CLEC5A: variants seen among roughly 807,000 people sequenced by gnomAD.
The protein encoded by CLEC5A is C-type lectin domain containing 5A.
In CLEC5A, 15 loss-of-function variants were observed where a neutral mutation model predicts 24.4. The observed-to-expected ratio is 0.62, with a 90% CI of 0.41 to 0.95. CLEC5A has a LOEUF of 0.95. Among genes scored for constraint, CLEC5A ranks in the 40% least tolerant of loss-of-function variants. CLEC5A has a pLI of 0.00. For synonymous variants in CLEC5A, 71 were observed against 72.6 expected (o/e 0.98, Z 0.11); for missense variants, 211 against 224.0 (o/e 0.94, Z 0.37).
Position 141,931,831 on chromosome 7 carries a change from A to C in CLEC5A, c.346-5T>G. ...AGTTATGTCCTGAAGAAACTTCTGGAAATAAAAAAAAAATTTTACCAGTGA... is the reference window on the plus strand; with the variant it reads ...AGTTATGTCCTGAAGAAACTTCTGGCAATAAAAAAAAAATTTTACCAGTGA... On this transcript the variant is annotated splice_polypyrimidine_tract_variant and splice_region_variant and intron_variant, in intron 5 of 6. Coordinates refer to ENST00000546910, the MANE Select transcript of CLEC5A (RefSeq NM_013252.3). 6.9e-7 allele frequency: 1 copy of C among 1,444,580 alleles called. No homozygotes were observed. Among genetic ancestry groups the C allele is most frequent in the Non-Finnish European group, 9.6e-7 (1 of 1,043,346 alleles). 89.5% of individuals were successfully genotyped at this position (1,444,580 alleles called of 1,614,324 possible).
Position 141,946,223 on chromosome 7 carries a change from G to A in CLEC5A, c.70C>T (p.Leu24=), listed in dbSNP as rs1554442125. ...VLKVVGMTLF[L]LYFPQIFNKS... is the part of the protein sequence containing the mutation. ...TTGCTCAAATACTCACAATAAAGTA[G>A]AAATAAGGTCATTCCAACAACTTTA... The change falls in exon 2 of 7, where the codon CTA becomes TTA. Residue 24 remains leucine (L), a synonymous_variant. Transcript: ENST00000546910. 1 of 1,564,566 alleles carries A rather than the reference G, an allele frequency of 6.4e-7. No homozygotes were observed. Among genetic ancestry groups the A allele is most frequent in the Non-Finnish European group, 8.7e-7 (1 of 1,153,064 alleles).
Position 141,935,798 on chromosome 7 carries a change from A to G in CLEC5A, c.345+16T>C. ...GTGGAGTGTGTGGCTTTACTGTACC[A>G]TTCCAGTGTTCTCACCAGTTTCTCT... On this transcript the variant is annotated intron_variant, in intron 5 of 6. Transcript: ENST00000546910. 4 of 1,613,512 alleles carry G rather than the reference A, an allele frequency of 2.5e-6. No homozygotes were observed. The highest frequency in any genetic ancestry group is 3.4e-6 in the Non-Finnish European group (4 of 1,179,496).
intron 6 of CLEC5A, chr7:141,931,422 A>G (rs1563073028): frequency 2.2e-6 from 1 of 448,700 alleles, no homozygotes; most frequent in African/African-American, 2.0e-5. Context: ...TAGCATCTAT[A>G]GAGAGCTACA....
At chr7:141,931,603 G>A in intron 6 of CLEC5A, 117 bp downstream of exon 6, 1 of 676,532 alleles carries the variant, frequency 1.5e-6, no homozygotes. Context: ...GAAAGGAGAA[G>A]AGCAGAACAG....
chr7:141,930,474 G>C (rs561178466), intron 6 of CLEC5A, among the ~76,000 whole-genome samples: 1 of 152,308 alleles, frequency 6.6e-6, no homozygotes, highest in South Asian at 2.1e-4. Context: ...TCCTGTGAGC[G>C]TGTATGGATT....
At position 141,943,069 on chromosome 7, in the gene CLEC5A, T is replaced by C. The variant is rs112197542; in HGVS notation, c.208+827A>G. Among the ~76,000 whole-genome samples, 660 of 152,242 alleles carry C rather than the reference T, an allele frequency of 4.3e-3. 5 individuals carry two copies. Among genetic ancestry groups the C allele is most frequent in the African/African-American group, 0.015 (634 of 41,550 alleles). On this transcript the variant is annotated intron_variant, in intron 4 of 6. Coordinates refer to ENST00000546910, the MANE Select transcript of CLEC5A (RefSeq NM_013252.3). ...ACCACATGGCCCAGCAATTACACTCTTAAGTATAGGCCCAAAAGAAAGGAA... is the reference window on the plus strand; with the variant it reads ...ACCACATGGCCCAGCAATTACACTCCTAAGTATAGGCCCAAAAGAAAGGAA...
intron 4 of CLEC5A, among the ~76,000 whole-genome samples, chr7:141,936,805 T>TGAGGA (rs1584847939): frequency 6.6e-6 from 1 of 151,832 alleles, no homozygotes; most frequent in Non-Finnish European, 1.5e-5. Flanking sequence ...TCTTTCTGCT[T>TGAGGA]GAGGAGAGGA....
At position 141,930,203 on chromosome 7, in the gene CLEC5A, A is replaced by G; in HGVS notation, c.468T>C (p.Asn156=). 1.2e-6 allele frequency: 2 copies of G among 1,613,534 alleles called. No individual in the cohort carries two copies. Among genetic ancestry groups the G allele is most frequent in the Non-Finnish European group, 1.7e-6 (2 of 1,179,546 alleles). Residue 156 remains asparagine, a synonymous_variant, in exon 7 of 7, where the codon AAT becomes AAC. Coordinates refer to ENST00000546910, the MANE Select transcript of CLEC5A (RefSeq NM_013252.3). ...SVFNGNVTNQ[N]QNFNCATIGL... ...CAATGGTCGCACAGTTGAAATTCTG[A>G]TTCTGATTGGTAACACTAAATGAGA...
rs374427602 is a variant in CLEC5A at position 141,931,886 on chromosome 7, T to C, written c.346-60A>G. 5.5e-4 allele frequency: 416 copies of C among 750,618 alleles called. 7 individuals carry two copies. In the South Asian group the frequency reaches 6.7e-3, roughly 12 times the overall value. The allele number at this position is 750,618 out of a possible 1,614,324, so 46.5% of individuals were successfully genotyped here. A position where few individuals can be genotyped will look rare whatever the true frequency, so the allele number is the denominator to read the frequency against. On this transcript the variant is annotated intron_variant, in intron 5 of 6. Coordinates refer to ENST00000546910, the MANE Select transcript of CLEC5A (RefSeq NM_013252.3). ...TTTAATGATGCCTCTCTTGAGCCAA[T>C]GTGCCCATGATTATATCTGATCCTG...
chr7:141,928,287 T>C lies in CLEC5A; in HGVS notation c.*1817A>G, dbSNP rs1802357018. 6.6e-6 allele frequency: 1 copy of C among 152,648 alleles called. No homozygotes were observed. Among genetic ancestry groups the C allele is most frequent in the Admixed American group, 6.5e-5 (1 of 15,280 alleles). 9.5% of individuals were successfully genotyped at this position (152,648 alleles called of 1,614,324 possible). ...TGTCTACTAAAGAAATCACTAGATGTCTACATTTCCTGATCTTAAAAGTTT... is the reference window on the plus strand; with the variant it reads ...TGTCTACTAAAGAAATCACTAGATGCCTACATTTCCTGATCTTAAAAGTTT... On this transcript the variant is annotated 3_prime_UTR_variant, in exon 7 of 7. Coordinates refer to ENST00000546910, the MANE Select transcript of CLEC5A (RefSeq NM_013252.3).
At chr7:141,937,486 C>T (rs113756695) in intron 4 of CLEC5A, among the ~76,000 whole-genome samples, 1 of 152,120 alleles carries the variant, frequency 6.6e-6, no homozygotes, top group Non-Finnish European at 1.5e-5. Context: ...TCTCATGAAT[C>T]GAGTTTCAGC....
rs782416708 is a variant in CLEC5A at position 141,943,919 on chromosome 7, A to G, written c.185T>C (p.Ile62Thr). 8.1e-6 allele frequency: 13 copies of G among 1,611,438 alleles called. No individual in the cohort carries two copies. The East Asian group carries it at 2.9e-4, about 36-fold the overall frequency. The change falls in exon 4 of 7, where the codon ATT becomes ACT. Residue 62 changes from isoleucine to threonine, a missense_variant. By Grantham distance (89) the Ile-to-Thr change is moderately conservative. Transcript: ENST00000546910. ...ACCTGTTCCATAGCTCCTTGTGGTA[A>G]TGAAGCCGTTGGGACTTGGGGAACT... ...GSSSPSPNGF[I>T]TTRSYGTVCP...
intron 2 of CLEC5A, chr7:141,945,718 T>A (rs1554442076): frequency 1.2e-5 from 5 of 403,134 alleles, no homozygotes; most frequent in Non-Finnish European, 2.3e-5. Flanking sequence ...CTAGAGAAGA[T>A]TCTAGTTTCT....
chr7:141,936,505 T>G (rs554296521), intron 4 of CLEC5A, among the ~76,000 whole-genome samples: 1 of 152,278 alleles, frequency 6.6e-6, no homozygotes, highest in African/African-American at 2.4e-5. Flanking sequence ...AGGAAGCATT[T>G]AGATGAGCGC....
Position 141,930,058 on chromosome 7 carries a change from A to G in CLEC5A, c.*46T>C, listed in dbSNP as rs782382003. On this transcript the variant is annotated 3_prime_UTR_variant, in exon 7 of 7. Coordinates refer to ENST00000546910, the MANE Select transcript of CLEC5A (RefSeq NM_013252.3). ...ATCATTGGCCAGACGACCTGTATGG[A>G]TTCAAAAAGAGTTGCAAGTATAGTT... 1 of 1,459,990 alleles carries G rather than the reference A, an allele frequency of 6.8e-7. No individual in the cohort carries two copies. Among genetic ancestry groups the G allele is most frequent in the East Asian group, 2.3e-5 (1 of 43,922 alleles). The allele number at this position is 1,459,990 out of a possible 1,614,324, so 90.4% of individuals were successfully genotyped here. A position where few individuals can be genotyped will look rare whatever the true frequency, so the allele number is the denominator to read the frequency against.
intron 4 of CLEC5A, among the ~76,000 whole-genome samples, chr7:141,939,318 GCTTA>G (rs1187187068): frequency 1.1e-3 from 172 of 151,976 alleles, no homozygotes; most frequent in African/African-American, 4.0e-3. Context: ...TTCTTTTTTT[GCTTA>G]CTTGTTTGTT....
At chr7:141,942,613 G>A (rs1463368308) in intron 4 of CLEC5A, among the ~76,000 whole-genome samples, 1 of 151,870 alleles carries the variant, frequency 6.6e-6, no homozygotes, top group African/African-American at 2.4e-5. Flanking sequence ...CCCAGCAAAG[G>A]AAACAATCAA....
intron 4 of CLEC5A, among the ~76,000 whole-genome samples, chr7:141,940,040 A>G (rs1802739893): frequency 6.6e-6 from 1 of 152,156 alleles, no homozygotes; most frequent in Non-Finnish European, 1.5e-5. Context: ...CAGTTGGAAA[A>G]TCAACAAAGT....
chr7:141,938,415 A>G (rs1802692289), intron 4 of CLEC5A, among the ~76,000 whole-genome samples: 1 of 152,114 alleles, frequency 6.6e-6, no homozygotes, highest in Non-Finnish European at 1.5e-5. Context: ...TAACAGAATC[A>G]GAGGGGTCAC....
Sources: allele counts gnomAD v4.1 joint callset (sites outside exome capture counted in the v4.1 genomes callset), GRCh38; gene constraint gnomAD v4.1.1; transcripts MANE v1.5; gene names NCBI Gene and HGNC (gene_info 2026-07-23, HGNC 2026-07-21).